Variants in ASPRV1 observed in about 807,000 individuals in gnomAD.
ASPRV1 encodes the protein aspartic peptidase retroviral like 1.
A neutral mutation model predicts 11.0 loss-of-function variants in ASPRV1; 7 were observed. The observed-to-expected ratio is 0.64, with a 90% CI of 0.36 to 1.20. ASPRV1 has a LOEUF of 1.20. Among genes scored for constraint, ASPRV1 ranks in the 50% most tolerant of loss-of-function variants. ASPRV1 has a pLI of 0.02. For synonymous variants in ASPRV1, 136 were observed against 138.4 expected (o/e 0.98, Z 0.12); for missense variants, 299 against 320.0 (o/e 0.93, Z 0.50).
In ASPRV1 at chr2:69,961,627, G is replaced by A; in HGVS notation, c.-191C>T. 1.2e-6 allele frequency: 2 copies of A among 1,602,676 alleles called. No homozygotes were observed. The highest frequency in any genetic ancestry group is 2.7e-5 in the African/African-American group (2 of 74,860). ...GACTGCTGGGGCAGAGGCAGGCAGT[G>A]CTGTGGCCTGTTCACTCTGCAGAGC... On this transcript the variant is annotated 5_prime_UTR_variant, in exon 1 of 1. Coordinates refer to ENST00000320256, the MANE Select transcript of ASPRV1 (RefSeq NM_152792.4).
the ASPRV1 span, chr2:70,046,888 G>A: frequency 6.6e-6 from 1 of 152,124 alleles, no homozygotes; most frequent in Non-Finnish European, 1.5e-5. Context: ...GAATTTTGCT[G>A]CATTTTCTTT....
the ASPRV1 span, among the ~76,000 whole-genome samples, chr2:69,995,962 C>T: frequency 1.3e-5 from 2 of 152,066 alleles, no homozygotes; most frequent in South Asian, 4.1e-4. Flanking sequence ...CTCCTTTATT[C>T]CAAATCTCTT....
At chr2:70,074,735 G>A in the ASPRV1 span, among the ~76,000 whole-genome samples, 1 of 151,762 alleles carries the variant, frequency 6.6e-6, no homozygotes, top group Non-Finnish European at 1.5e-5. Context: ...AACAGAGCTG[G>A]CCCTACTACT....
the ASPRV1 span, among the ~76,000 whole-genome samples, chr2:70,042,089 T>G: frequency 6.8e-6 from 1 of 146,672 alleles, no homozygotes; most frequent in Non-Finnish European, 1.5e-5. Context: ...TTAATAAATA[T>G]TCCTTCAGAA....
the ASPRV1 span, among the ~76,000 whole-genome samples, chr2:70,085,291 C>T: frequency 6.6e-6 from 1 of 152,200 alleles, no homozygotes; most frequent in African/African-American, 2.4e-5. Context: ...ACACCTGAGC[C>T]TCTGGGCAGG....
upstream of ASPRV1, chr2:69,964,429 T>TCCC: frequency 2.3e-6 from 1 of 426,600 alleles, no homozygotes; most frequent in South Asian, 1.7e-5. Flanking sequence ...TGTCTCTGGC[T>TCCC]AGGATCAGGA....
chr2:69,961,866 C>T (rs1236225782), upstream of ASPRV1: 8 of 608,822 alleles, frequency 1.3e-5, no homozygotes, highest in Admixed American at 1.8e-4. Flanking sequence ...CCTCCCTGGC[C>T]TGTGTTCCAG....
At chr2:70,055,185 C>G in the ASPRV1 span, among the ~76,000 whole-genome samples, 2 of 152,082 alleles carry the variant, frequency 1.3e-5, no homozygotes, top group Non-Finnish European at 2.9e-5. Context: ...CGCCTGTAAT[C>G]CCAGCTACTC....
At chr2:69,959,328 G>A (rs753196243), downstream of ASPRV1, among the ~76,000 whole-genome samples, 5 of 152,180 alleles carry the variant, frequency 3.3e-5, no homozygotes, top group African/African-American at 9.7e-5. Context: ...AGGCTCGCCC[G>A]ATGTGCTTGG....
At chr2:70,014,796 CAAAAAA>C in the ASPRV1 span, among the ~76,000 whole-genome samples, 6 of 74,024 alleles carry the variant, frequency 8.1e-5, no homozygotes, top group Middle Eastern at 9.3e-3. Context: ...GACCTTGTCT[CAAAAAA>C]AAAAAAAAAA....
chr2:70,077,672 GGT>G, the ASPRV1 span, among the ~76,000 whole-genome samples: 1 of 151,848 alleles, frequency 6.6e-6, no homozygotes, highest in Admixed American at 6.6e-5. Context: ...TGGCCAACAT[GGT>G]GAAACCCCGC....
chr2:70,018,082 G>A, the ASPRV1 span: 28 of 152,132 alleles, frequency 1.8e-4, no homozygotes, highest in Admixed American at 1.4e-3. Context: ...GGAGGTTGCA[G>A]TGAGTCGAGA....
the ASPRV1 span, among the ~76,000 whole-genome samples, chr2:70,041,880 T>C: frequency 6.6e-6 from 1 of 152,192 alleles, no homozygotes. Flanking sequence ...CTCCCTATTT[T>C]AGAGTTCCAC....
At chr2:70,074,145 A>C in the ASPRV1 span, among the ~76,000 whole-genome samples, 1 of 149,664 alleles carries the variant, frequency 6.7e-6, no homozygotes, top group Non-Finnish European at 1.5e-5. Flanking sequence ...AAAAAAAAAA[A>C]AAAAAAAAAA....
chr2:70,072,918 A>C, the ASPRV1 span, among the ~76,000 whole-genome samples: 5 of 145,100 alleles, frequency 3.4e-5, no homozygotes, highest in Non-Finnish European at 6.0e-5. Context: ...AAAAAAAAAC[A>C]GCCGGGCATG....
chr2:69,943,719 C>G, the ASPRV1 span, among the ~76,000 whole-genome samples: 2 of 152,154 alleles, frequency 1.3e-5, no homozygotes, highest in African/African-American at 4.8e-5. Context: ...CATCTAAGAA[C>G]AGCACACAAA....
At chr2:69,988,776 C>T in the ASPRV1 span, 28 of 456,478 alleles carry the variant, frequency 6.1e-5, no homozygotes, top group African/African-American at 2.4e-4. Flanking sequence ...GAGCTTATAA[C>T]GAAGAGTAGT....
chr2:69,998,440 C>A, the ASPRV1 span, among the ~76,000 whole-genome samples: 3 of 152,098 alleles, frequency 2.0e-5, no homozygotes, highest in Non-Finnish European at 4.4e-5. Flanking sequence ...ATGCCAGCAA[C>A]TGTGAAGAAT....
chr2:70,022,348 CACACACACACACTT>C, the ASPRV1 span, among the ~76,000 whole-genome samples: 8 of 95,292 alleles, frequency 8.4e-5, no homozygotes, highest in East Asian at 2.8e-3. Flanking sequence ...CTTACCAAAA[CACACACACACACTT>C]ACACACACAC....
Sources: allele counts gnomAD v4.1 joint callset (sites outside exome capture counted in the v4.1 genomes callset), GRCh38; gene constraint gnomAD v4.1.1; transcripts MANE v1.5; gene names NCBI Gene and HGNC (gene_info 2026-07-23, HGNC 2026-07-21).